The following MAP2K1 variants were observed in gnomAD, a reference collection of about 807,000 sequenced individuals.
MAP2K1 encodes the protein mitogen-activated protein kinase kinase 1, also known as dual specificity mitogen-activated protein kinase kinase 1.
MAP2K1 carries 16 observed loss-of-function variants against 46.3 expected under a neutral mutation model. The ratio of observed to expected loss-of-function variants is 0.35; its 90% CI spans 0.23 to 0.52. MAP2K1 has a LOEUF of 0.52. Among genes scored for constraint, MAP2K1 ranks in the 20% least tolerant of loss-of-function variants. The pLI is 0.94. For synonymous variants in MAP2K1, 183 were observed against 185.6 expected (o/e 0.99, Z 0.11); for missense variants, 263 against 497.1 (o/e 0.53, Z 4.48).
At chr15:66,392,617 G>C (rs1488953223) in intron 1 of MAP2K1, among the ~76,000 whole-genome samples, 1 of 145,016 alleles carries the variant, frequency 6.9e-6, no homozygotes, top group East Asian at 2.0e-4. Flanking sequence ...GCAATGGCAT[G>C]ATCTCGGCTC....
At chr15:66,484,252 A>T (rs1050144161) in intron 6 of MAP2K1, among the ~76,000 whole-genome samples, 9 of 151,034 alleles carry the variant, frequency 6.0e-5, no homozygotes, top group Admixed American at 1.3e-4. Flanking sequence ...GGTTCAAGTG[A>T]TTCTCCTGCC....
At chr15:66,392,254 G>GTTTTTTTTTTTTTTTTTTTT (rs374203054) in intron 1 of MAP2K1, among the ~76,000 whole-genome samples, 6 of 79,670 alleles carry the variant, frequency 7.5e-5, no homozygotes, top group African/African-American at 1.9e-4. Context: ...GTTTTTTTTG[G>GTTTTTTTTTTTTTTTTTTTT]GTTTTTTTTT....
At chr15:66,487,943 A>G (rs930770686) in intron 8 of MAP2K1, among the ~76,000 whole-genome samples, 3 of 151,914 alleles carry the variant, frequency 2.0e-5, no homozygotes, top group African/African-American at 7.3e-5. Context: ...TTCCCATGCA[A>G]TTCTCCCAAG....
chr15:66,425,226 A>C (rs1186203329), intron 1 of MAP2K1, among the ~76,000 whole-genome samples: 1 of 152,112 alleles, frequency 6.6e-6, no homozygotes, highest in Non-Finnish European at 1.5e-5. Flanking sequence ...GGCAGGAGAA[A>C]GTTTTGTATA....
At chr15:66,441,106 A>G (rs569419695) in intron 3 of MAP2K1, among the ~76,000 whole-genome samples, 138 of 152,230 alleles carry the variant, frequency 9.1e-4, no homozygotes, top group Admixed American at 1.4e-3. Flanking sequence ...GGAGGACAAC[A>G]GATGTGCATC....
At chr15:66,429,991 A>G (rs1489468513) in intron 1 of MAP2K1, among the ~76,000 whole-genome samples, 1 of 152,084 alleles carries the variant, frequency 6.6e-6, no homozygotes, top group African/African-American at 2.4e-5. Flanking sequence ...TCAGAGATAG[A>G]CAACTTTTCC....
At chr15:66,480,145 A>G (rs375120745) in intron 5 of MAP2K1, among the ~76,000 whole-genome samples, 1 of 151,868 alleles carries the variant, frequency 6.6e-6, no homozygotes, top group African/African-American at 2.4e-5. Context: ...CTGGAGTGCA[A>G]TGGCATGATG....
intron 1 of MAP2K1, among the ~76,000 whole-genome samples, chr15:66,389,044 T>C (rs1404498434): frequency 2.6e-5 from 4 of 151,584 alleles, no homozygotes; most frequent in African/African-American, 9.7e-5. Flanking sequence ...GTAGCTGGGA[T>C]TACAGGCATG....
In MAP2K1 at chr15:66,387,422, T is replaced by C; in HGVS notation, c.75T>C (p.Ser25=). The change falls in exon 1 of 11, where the codon TCT becomes TCC. Residue 25 remains serine, a synonymous_variant. Coordinates refer to ENST00000307102, the MANE Select transcript of MAP2K1 (RefSeq NM_002755.4). ...GCTCTGCAGTTAACGGGACCAGCTC[T>C]GCGGAGTAAGTATGGGGCGGGCGGT... ...PDGSAVNGTS[S]AETNLEALQK... is the part of the protein sequence containing the mutation. 1 of 1,557,258 alleles carries C rather than the reference T, an allele frequency of 6.4e-7. No homozygotes were observed. The highest frequency in any genetic ancestry group is 1.2e-5 in the South Asian group (1 of 84,510).
At chr15:66,462,194 T>C (rs1892339743) in intron 5 of MAP2K1, among the ~76,000 whole-genome samples, 1 of 151,900 alleles carries the variant, frequency 6.6e-6, no homozygotes. Flanking sequence ...AAGAAAAAGC[T>C]GGGGGTTATA....
intron 1 of MAP2K1, among the ~76,000 whole-genome samples, chr15:66,402,515 A>G (rs1186657451): frequency 6.6e-6 from 1 of 152,224 alleles, no homozygotes; most frequent in Non-Finnish European, 1.5e-5. Context: ...GGTGGGGTTA[A>G]GGAAAACTTC....
chr15:66,457,807 C>G (rs995768276), intron 5 of MAP2K1, among the ~76,000 whole-genome samples: 1 of 151,612 alleles, frequency 6.6e-6, no homozygotes, highest in South Asian at 2.1e-4. Context: ...ACTAAAAATA[C>G]AAAAAATTAG....
At chr15:66,416,440 T>A (rs2093424830) in intron 1 of MAP2K1, among the ~76,000 whole-genome samples, 1 of 151,942 alleles carries the variant, frequency 6.6e-6, no homozygotes, top group Non-Finnish European at 1.5e-5. Context: ...GCCTAGCCTC[T>A]AGTATACATA....
intron 1 of MAP2K1, among the ~76,000 whole-genome samples, chr15:66,387,981 CTT>C (rs1222092911): frequency 2.0e-5 from 3 of 152,158 alleles, no homozygotes; most frequent in Non-Finnish European, 4.4e-5. Context: ...TCCTTGCTGA[CTT>C]TGGAGGTTCC....
intron 1 of MAP2K1, among the ~76,000 whole-genome samples, chr15:66,432,958 C>CTGTGTGTGTG (rs1430276423): frequency 5.3e-5 from 2 of 37,484 alleles, no homozygotes; most frequent in Non-Finnish European, 7.1e-5. Context: ...CCATCATGCA[C>CTGTGTGTGTG]AGTGTGTGTG....
chr15:66,435,304 G>A (rs1038260557), intron 2 of MAP2K1, 67 bp downstream of exon 2: 13 of 1,344,982 alleles, frequency 9.7e-6, no homozygotes, highest in Non-Finnish European at 1.4e-5. Flanking sequence ...TGGGGACCAG[G>A]GTAGAAGGAA....
chr15:66,444,590 T>TA (rs1323346656), intron 4 of MAP2K1, 66 bp from the exon 5 acceptor site: 26 of 1,156,854 alleles, frequency 2.2e-5, no homozygotes, highest in South Asian at 4.9e-5. Flanking sequence ...TAGAGTATTT[T>TA]AAAATAGATT....
intron 1 of MAP2K1, among the ~76,000 whole-genome samples, chr15:66,406,433 G>T (rs2093396843): frequency 6.6e-6 from 1 of 152,220 alleles, no homozygotes; most frequent in Non-Finnish European, 1.5e-5. Flanking sequence ...AAGTGTATGT[G>T]TGTTTGGAGG....
intron 5 of MAP2K1, among the ~76,000 whole-genome samples, chr15:66,461,586 C>T (rs1234708142): frequency 2.0e-5 from 3 of 151,934 alleles, no homozygotes; most frequent in African/African-American, 7.3e-5. Context: ...TTGATAAGAC[C>T]AAACTAATTA....
Sources: allele counts gnomAD v4.1 joint callset (sites outside exome capture counted in the v4.1 genomes callset), GRCh38; gene constraint gnomAD v4.1.1; transcripts MANE v1.5; gene names NCBI Gene and HGNC (gene_info 2026-07-23, HGNC 2026-07-21).